RPS6KC1: variants seen among roughly 807,000 people sequenced by gnomAD.
RPS6KC1 encodes inactive ribosomal protein S6 kinase delta-1.
RPS6KC1 carries 54 observed loss-of-function variants against 103.8 expected under a neutral mutation model. The observed-to-expected ratio is 0.52, with a 90% CI of 0.42 to 0.65. The LOEUF is 0.65. RPS6KC1 is among the 30% of genes least tolerant of loss of function. The probability of loss-of-function intolerance (pLI) is 0.00; values close to 1 mark genes in which losing one functional copy is unlikely to be tolerated. For missense variants in RPS6KC1, 1,151 were observed against 1,253.8 expected, an observed-to-expected ratio of 0.92 and a Z score of 1.24; for synonymous variants, 439 against 438.7, an observed-to-expected ratio of 1.00 and a Z score of -0.01.
At chr1:213,056,848 C>T (rs938847421) in intron 1 of RPS6KC1, among the ~76,000 whole-genome samples, 12 of 149,862 alleles carry the variant, frequency 8.0e-5, no homozygotes, top group South Asian at 2.1e-4. Flanking sequence ...CCCTGTGTTC[C>T]GGGAAGCTTT....
chr1:213,075,475 T>C (rs2079249886), intron 2 of RPS6KC1, among the ~76,000 whole-genome samples: 1 of 152,232 alleles, frequency 6.6e-6, no homozygotes, highest in South Asian at 2.1e-4. Context: ...CTGCTACTGA[T>C]CTTTTAATCT....
At chr1:213,442,956 G>A in the RPS6KC1 span, among the ~76,000 whole-genome samples, 1 of 151,694 alleles carries the variant, frequency 6.6e-6, no homozygotes, top group Admixed American at 6.6e-5. Flanking sequence ...TCCTTTCTCA[G>A]GGTTTTTTTT....
chr1:213,764,440 C>G, the RPS6KC1 span, among the ~76,000 whole-genome samples: 4 of 152,182 alleles, frequency 2.6e-5, no homozygotes, highest in Non-Finnish European at 5.9e-5. Context: ...CCATCAGACC[C>G]TCTTTTAGGT....
chr1:213,525,795 G>T, the RPS6KC1 span, among the ~76,000 whole-genome samples: 1 of 152,196 alleles, frequency 6.6e-6, no homozygotes, highest in Non-Finnish European at 1.5e-5. Flanking sequence ...GACTGATGTC[G>T]CCCTTGGACA....
rs867885394 is a variant in RPS6KC1 at position 213,115,284 on chromosome 1, G to A, written c.379-2033G>A. Among the ~76,000 whole-genome samples, 735 of 152,164 alleles carry A rather than the reference G, an allele frequency of 4.8e-3. 4 individuals carry two copies. Among genetic ancestry groups the A allele is most frequent in the African/African-American group, 0.014 (599 of 41,526 alleles). On this transcript the variant is annotated intron_variant, in intron 4 of 14. Coordinates refer to ENST00000366960, the MANE Select transcript of RPS6KC1 (RefSeq NM_012424.6). ...ACTTCTTCCTGGTTTAGTCTTGGGA[G>A]AGTGTATGTGTCGAGGAATTTATCC...
At chr1:213,583,068 G>A in the RPS6KC1 span, among the ~76,000 whole-genome samples, 3 of 152,292 alleles carry the variant, frequency 2.0e-5, no homozygotes, top group African/African-American at 7.2e-5. Context: ...TTTGAGATTG[G>A]TCCTTGCCGT....
chr1:213,451,367 T>A, the RPS6KC1 span, among the ~76,000 whole-genome samples: 1 of 152,220 alleles, frequency 6.6e-6, no homozygotes, highest in Non-Finnish European at 1.5e-5. Context: ...AAGCAAAGAT[T>A]CCTGGTAGAT....
At chr1:213,245,446 T>A (rs1440575549) in intron 12 of RPS6KC1, among the ~76,000 whole-genome samples, 1 of 152,156 alleles carries the variant, frequency 6.6e-6, no homozygotes, top group Non-Finnish European at 1.5e-5. Flanking sequence ...AAGCAGCTGA[T>A]GTTTGGTTAG....
At chr1:213,614,863 T>G in the RPS6KC1 span, among the ~76,000 whole-genome samples, 1 of 152,126 alleles carries the variant, frequency 6.6e-6, no homozygotes, top group Non-Finnish European at 1.5e-5. Flanking sequence ...TTATTTTATT[T>G]TTTACTTATT....
the RPS6KC1 span, among the ~76,000 whole-genome samples, chr1:213,310,501 T>G: frequency 1.3e-5 from 2 of 152,226 alleles, no homozygotes; most frequent in East Asian, 3.9e-4. Context: ...TTCTGGTTCT[T>G]TCACAGGTAC....
At chr1:213,681,361 T>C in the RPS6KC1 span, among the ~76,000 whole-genome samples, 1 of 152,176 alleles carries the variant, frequency 6.6e-6, no homozygotes, top group Admixed American at 6.5e-5. Context: ...GATTTGATTA[T>C]TGCATTTGAA....
chr1:213,457,803 A>G, the RPS6KC1 span, among the ~76,000 whole-genome samples: 1 of 152,238 alleles, frequency 6.6e-6, no homozygotes, highest in African/African-American at 2.4e-5. Flanking sequence ...CAGACTCTTG[A>G]CATACACAAA....
the RPS6KC1 span, among the ~76,000 whole-genome samples, chr1:213,682,507 G>T: frequency 3.9e-5 from 6 of 152,310 alleles, no homozygotes; most frequent in East Asian, 1.2e-3. Context: ...CACAAATTAA[G>T]AGGAAAGTGA....
chr1:213,101,345 A>G (rs75904125), intron 3 of RPS6KC1, among the ~76,000 whole-genome samples: 1,970 of 152,324 alleles, frequency 0.013, 24 homozygotes, highest in Non-Finnish European at 0.019. Context: ...ATTTGTTCTG[A>G]TAATAGGATT....
At chr1:213,212,244 C>A (rs2093528582) in intron 8 of RPS6KC1, among the ~76,000 whole-genome samples, 1 of 152,154 alleles carries the variant, frequency 6.6e-6, no homozygotes, top group African/African-American at 2.4e-5. Context: ...TCATTCCCTG[C>A]CAACATGTGG....
chr1:213,497,922 G>A, the RPS6KC1 span, among the ~76,000 whole-genome samples: 15 of 152,038 alleles, frequency 9.9e-5, no homozygotes, highest in South Asian at 4.1e-4. Context: ...TTAAAATTCC[G>A]TGCTAATAAT....
the RPS6KC1 span, among the ~76,000 whole-genome samples, chr1:213,667,516 G>A: frequency 6.6e-6 from 1 of 152,190 alleles, no homozygotes; most frequent in Non-Finnish European, 1.5e-5. Flanking sequence ...TGAACCTTCA[G>A]CAGGTGGTAA....
the RPS6KC1 span, among the ~76,000 whole-genome samples, chr1:213,371,389 G>A: frequency 4.7e-4 from 72 of 152,306 alleles, no homozygotes; most frequent in Admixed American, 4.4e-3. Context: ...TCTTTTGGCT[G>A]CTGTGATGAA....
chr1:213,544,346 T>C, the RPS6KC1 span, among the ~76,000 whole-genome samples: 1 of 152,182 alleles, frequency 6.6e-6, no homozygotes, highest in African/African-American at 2.4e-5. Flanking sequence ...TGGCTCATGA[T>C]TACAGCTCTA....
Sources: gnomAD v4.1 joint callset for allele counts (sites outside exome capture counted in the v4.1 genomes callset) on GRCh38, gnomAD v4.1.1 for gene constraint, MANE v1.5 for transcripts, NCBI Gene and HGNC (gene_info 2026-07-23, HGNC 2026-07-21) for gene names.